PPFIA2: variants seen among roughly 807,000 people sequenced by gnomAD.
PPFIA2 encodes the protein PPFI scaffold protein A2.
Under a neutral mutation model 175.5 loss-of-function variants are expected in PPFIA2, and 46 were observed. That is an observed-to-expected ratio of 0.26 (90% CI 0.21 to 0.34). PPFIA2 has a LOEUF of 0.34. PPFIA2 is among the 10% of genes least tolerant of loss of function. The pLI, the probability that PPFIA2 is intolerant of heterozygous loss-of-function variation, is 1.00. For missense variants in PPFIA2, 1,179 were observed against 1,506.1 expected (o/e 0.78, Z 3.60); for synonymous variants, 568 against 511.4 (o/e 1.11, Z -1.49).
intron 9 of PPFIA2, among the ~76,000 whole-genome samples, chr12:81,378,692 T>C (rs533004315): frequency 1.3e-5 from 2 of 152,318 alleles, no homozygotes; most frequent in South Asian, 4.1e-4. Flanking sequence ...AGTCTAAAGC[T>C]AACCTGTGTA....
intron 3 of PPFIA2, among the ~76,000 whole-genome samples, chr12:81,748,557 G>T (rs1445438638): frequency 6.9e-6 from 1 of 144,598 alleles, no homozygotes; most frequent in Non-Finnish European, 1.6e-5. Flanking sequence ...AATGGCCCCA[G>T]TTGGCTCAGC....
At chr12:81,645,891 A>G (rs2065990129) in intron 4 of PPFIA2, among the ~76,000 whole-genome samples, 1 of 152,202 alleles carries the variant, frequency 6.6e-6, no homozygotes. Context: ...ACTCCTGGAG[A>G]CAGGTAGGAA....
intron 4 of PPFIA2, among the ~76,000 whole-genome samples, chr12:81,486,996 T>C (rs1297450987): frequency 6.6e-6 from 1 of 151,920 alleles, no homozygotes; most frequent in African/African-American, 2.4e-5. Flanking sequence ...AATACATTAA[T>C]CCCTTTGTTT....
At chr12:81,353,519 T>C (rs963701717) in intron 16 of PPFIA2, among the ~76,000 whole-genome samples, 180 bp from the exon 17 acceptor site, 1 of 152,176 alleles carries the variant, frequency 6.6e-6, no homozygotes, top group African/African-American at 2.4e-5. Flanking sequence ...TCTTAAGTAA[T>C]GTGAGGGATT....
intron 8 of PPFIA2, among the ~76,000 whole-genome samples, chr12:81,392,668 C>A (rs1220875166): frequency 6.6e-6 from 1 of 151,888 alleles, no homozygotes; most frequent in Non-Finnish European, 1.5e-5. Flanking sequence ...AAGTTTAAAT[C>A]TTAACTTATA....
At chr12:81,271,126 G>C (rs747760515) in intron 28 of PPFIA2, among the ~76,000 whole-genome samples, 1 of 152,034 alleles carries the variant, frequency 6.6e-6, no homozygotes, top group Non-Finnish European at 1.5e-5. Context: ...AATTGAAGTA[G>C]TTAGTTCTTG....
At chr12:81,617,395 T>C (rs938373338) in intron 4 of PPFIA2, among the ~76,000 whole-genome samples, 2 of 152,218 alleles carry the variant, frequency 1.3e-5, no homozygotes, top group African/African-American at 4.8e-5. Flanking sequence ...ATCTTTTGTA[T>C]CCCTTTTAAG....
chr12:81,757,187 C>T (rs2153670540), intron 2 of PPFIA2, among the ~76,000 whole-genome samples: 2 of 152,256 alleles, frequency 1.3e-5, no homozygotes, highest in South Asian at 4.1e-4. Flanking sequence ...AAGAGTTAAA[C>T]ACCCTTTTAA....
At chr12:81,380,614 G>A (rs751336923) in intron 9 of PPFIA2, among the ~76,000 whole-genome samples, 1 of 152,060 alleles carries the variant, frequency 6.6e-6, no homozygotes, top group Non-Finnish European at 1.5e-5. Context: ...TGCTATCACT[G>A]AATTATTTAT....
At chr12:81,283,805 G>T (rs958359913) in intron 25 of PPFIA2, among the ~76,000 whole-genome samples, 12 of 151,904 alleles carry the variant, frequency 7.9e-5, no homozygotes, top group Non-Finnish European at 1.6e-4. Flanking sequence ...TTTTTTGGGG[G>T]TTTTTTTGGT....
intron 4 of PPFIA2, among the ~76,000 whole-genome samples, chr12:81,516,772 C>T (rs2062497738): frequency 6.6e-6 from 1 of 152,162 alleles, no homozygotes; most frequent in South Asian, 2.1e-4. Context: ...GTTGTGTAAG[C>T]CACAGTGGTA....
intron 4 of PPFIA2, among the ~76,000 whole-genome samples, chr12:81,531,215 A>G (rs1301117877): frequency 6.6e-6 from 1 of 151,950 alleles, no homozygotes; most frequent in East Asian, 1.9e-4. Flanking sequence ...TACAAAATTT[A>G]TTCATCCAAA....
chr12:81,301,280 A>G (rs1566006898), intron 22 of PPFIA2, among the ~76,000 whole-genome samples: 3 of 152,154 alleles, frequency 2.0e-5, no homozygotes, highest in Admixed American at 6.6e-5. Context: ...GTTACATCCA[A>G]TAGGGAAAGC....
chr12:81,476,926 G>A (rs1593599573), intron 4 of PPFIA2, among the ~76,000 whole-genome samples: 1 of 152,218 alleles, frequency 6.6e-6, no homozygotes, highest in African/African-American at 2.4e-5. Flanking sequence ...GATGAAGCTG[G>A]AAGCCATTAT....
chr12:81,413,907 G>A (rs994974785), intron 7 of PPFIA2, among the ~76,000 whole-genome samples: 1 of 151,674 alleles, frequency 6.6e-6, no homozygotes, highest in African/African-American at 2.4e-5. Flanking sequence ...GAAGAAATGG[G>A]AGTTGAGAAA....
chr12:81,452,790 A>T (rs1268265692), intron 5 of PPFIA2, among the ~76,000 whole-genome samples: 1 of 152,160 alleles, frequency 6.6e-6, no homozygotes, highest in African/African-American at 2.4e-5. Context: ...GTATCTCAAT[A>T]TCTGTTAAGA....
chr12:81,460,602 A>G (rs1045047213), intron 4 of PPFIA2, among the ~76,000 whole-genome samples: 2 of 152,026 alleles, frequency 1.3e-5, no homozygotes, highest in Non-Finnish European at 2.9e-5. Context: ...AGAGGCAGAT[A>G]TCTCACATGG....
intron 7 of PPFIA2, among the ~76,000 whole-genome samples, chr12:81,433,846 T>C (rs529391264): frequency 1.1e-4 from 16 of 152,152 alleles, no homozygotes; most frequent in Non-Finnish European, 1.8e-4. Context: ...TACACAAGTA[T>C]AAAATTAACC....
At position 81,671,551 on chromosome 12, in the gene PPFIA2, A is replaced by T. The variant is rs533959435; in HGVS notation, c.303+5240T>A. On this transcript the variant is annotated intron_variant, in intron 4 of 32. Transcript: ENST00000549396. Reference sequence around the variant, plus strand: ...AGTCTTTTCTCTAATTCGCTCTCCAACTGGTAACAAGAAAATGTTTCTAAA... The same window carrying T: ...AGTCTTTTCTCTAATTCGCTCTCCATCTGGTAACAAGAAAATGTTTCTAAA... Among the ~76,000 whole-genome samples the T allele has an allele frequency of 9.2e-5, 14 of 151,852 alleles. No individual in the cohort carries two copies. In the South Asian group the frequency reaches 2.3e-3, roughly 25 times the overall value.
Sources: gnomAD v4.1 joint callset for allele counts (sites outside exome capture counted in the v4.1 genomes callset) on GRCh38, gnomAD v4.1.1 for gene constraint, MANE v1.5 for transcripts, NCBI Gene and HGNC (gene_info 2026-07-23, HGNC 2026-07-21) for gene names.